CABIN1: variants seen among roughly 807,000 people sequenced by gnomAD.
CABIN1 encodes the protein calcineurin binding protein 1.
CABIN1 carries 133 observed loss-of-function variants against 227.7 expected under a neutral mutation model. The ratio of observed to expected loss-of-function variants is 0.58; its 90% CI spans 0.51 to 0.67. The LOEUF is 0.67. Among genes scored for constraint, CABIN1 ranks in the 30% least tolerant of loss-of-function variants. The pLI, the probability that CABIN1 is intolerant of heterozygous loss-of-function variation, is 0.00. For synonymous variants in CABIN1, 1,086 were observed against 1,155.1 expected (o/e 0.94, Z 1.21); for missense variants, 2,408 against 2,852.5 (o/e 0.84, Z 3.55).
intron 19 of CABIN1, among the ~76,000 whole-genome samples, chr22:24,080,329 G>A (rs945470995): frequency 3.3e-5 from 5 of 152,084 alleles, no homozygotes; most frequent in African/African-American, 1.2e-4. Context: ...ACCTACTCAC[G>A]TACCTCTTAG....
At chr22:24,065,564 C>T (rs1191230193) in intron 15 of CABIN1, among the ~76,000 whole-genome samples, 4 of 152,000 alleles carry the variant, frequency 2.6e-5, no homozygotes, top group South Asian at 2.1e-4. Flanking sequence ...CAGACGATGG[C>T]GGCCAGGCAG....
At chr22:24,118,667 T>C (rs1358096426) in intron 27 of CABIN1, among the ~76,000 whole-genome samples, 1 of 152,198 alleles carries the variant, frequency 6.6e-6, no homozygotes, top group Non-Finnish European at 1.5e-5. Flanking sequence ...CCGGGCCAGA[T>C]AGCTTTCTTC....
chr22:24,071,151 G>A (rs2040056253), intron 17 of CABIN1, 109 bp downstream of exon 17: 2 of 1,438,672 alleles, frequency 1.4e-6, no homozygotes, highest in African/African-American at 1.4e-5. Flanking sequence ...CACCCAAAGG[G>A]GACATGATGG....
At chr22:24,104,271 A>T (rs2042377405) in intron 26 of CABIN1, among the ~76,000 whole-genome samples, 1 of 152,144 alleles carries the variant, frequency 6.6e-6, no homozygotes, top group South Asian at 2.1e-4. Context: ...ACCTTACAGA[A>T]CTGCTTCGCT....
chr22:24,119,449 A>G lies in CABIN1; in HGVS notation c.4383A>G (p.Pro1461=). 2 of 1,614,126 alleles carry G rather than the reference A, an allele frequency of 1.2e-6. No individual in the cohort carries two copies. The highest frequency in any genetic ancestry group is 1.1e-5 in the South Asian group (1 of 91,092). Residue 1461 remains proline, a synonymous_variant, in exon 28 of 37, where the codon CCA becomes CCG. Transcript: ENST00000263119. ...QGVQKPAAET[P]ASACIPGKPS... ...TCCAGAAGCCTGCTGCAGAAACCCC[A>G]GCCTCTGCTTGCATCCCTGGCAAGC...
At chr22:24,106,548 C>G (rs1453474274) in intron 26 of CABIN1, among the ~76,000 whole-genome samples, 1 of 152,250 alleles carries the variant, frequency 6.6e-6, no homozygotes, top group Non-Finnish European at 1.5e-5. Context: ...ACATTGTCCT[C>G]CCTACCTTGA....
chr22:24,018,029 ATT>A (rs1235604955), intron 1 of CABIN1, among the ~76,000 whole-genome samples: 1 of 151,760 alleles, frequency 6.6e-6, no homozygotes, highest in Non-Finnish European at 1.5e-5. Flanking sequence ...TAATTTTTAA[ATT>A]TTTTGTAGAG....
chr22:24,021,225 G>T (rs2035703156), intron 1 of CABIN1, among the ~76,000 whole-genome samples: 1 of 151,550 alleles, frequency 6.6e-6, no homozygotes, highest in Non-Finnish European at 1.5e-5. Flanking sequence ...TCACTATCTT[G>T]CCCAGGGTGG....
chr22:24,172,671 T>C (rs1320175928), intron 34 of CABIN1, among the ~76,000 whole-genome samples: 1 of 152,190 alleles, frequency 6.6e-6, no homozygotes, highest in Non-Finnish European at 1.5e-5. Context: ...TCCATTGGAA[T>C]GGCAGCCTGC....
At chr22:24,114,610 G>A (rs1395665505) in intron 27 of CABIN1, among the ~76,000 whole-genome samples, 4 of 152,184 alleles carry the variant, frequency 2.6e-5, no homozygotes, top group African/African-American at 4.8e-5. Flanking sequence ...ATTACCCCAC[G>A]CTACCTCTCC....
intron 24 of CABIN1, among the ~76,000 whole-genome samples, chr22:24,094,846 GAAAC>G (rs1196384523): frequency 2.2e-5 from 3 of 133,882 alleles, no homozygotes; most frequent in Admixed American, 1.5e-4. Context: ...AAAAAAAAAA[GAAAC>G]AAAAATGACA....
intron 27 of CABIN1, among the ~76,000 whole-genome samples, chr22:24,116,606 G>A (rs892362498): frequency 1.3e-5 from 2 of 152,310 alleles, no homozygotes; most frequent in Middle Eastern, 3.4e-3. Flanking sequence ...TGAGTAAGAC[G>A]ATCTCAGAAG....
rs138827437 is a variant in CABIN1 at position 24,177,569 on chromosome 22, C to T, written c.6271C>T (p.Pro2091Ser). 81 of 1,598,558 alleles carry T rather than the reference C, an allele frequency of 5.1e-5. No individual in the cohort carries two copies. The African/African-American group carries it at 1.0e-3, about 20-fold the overall frequency. ...EAQEAASETQ[P>S]LSSPPTAASS... ...TCAGGAGGCTGCGAGTGAGACTCAG[C>T]CCCTGAGCTCTCCCCCAACAGCTGC... is the stretch of plus-strand genomic sequence containing the variant. Residue 2091 changes from proline (P) to serine (S), a missense_variant, in exon 36 of 37, where the codon CCC (proline) becomes TCC (serine). Coordinates refer to ENST00000263119, the MANE Select transcript of CABIN1 (RefSeq NM_012295.4). The surrounding 1 kb of genome is among the most constrained non-coding windows in gnomAD (Gnocchi z 4.4).
In CABIN1 at chr22:24,177,791, T is replaced by G. The variant is rs1377711030; in HGVS notation, c.6493T>G (p.Ser2165Ala). Reference sequence around the variant, plus strand: ...CCTGCTCTCCCCCAAAGGCAGCATCTCGGAGGAGACCAAGCAGAAGCTGAA... The same window carrying G: ...CCTGCTCTCCCCCAAAGGCAGCATCGCGGAGGAGACCAAGCAGAAGCTGAA... ...PTLLSPKGSI[S>A]EETKQKLKSA... Residue 2165 changes from serine (S) to alanine (A), a missense_variant, in exon 36 of 37, where the codon TCG becomes GCG. By Grantham distance (99) the Ser-to-Ala change is moderately conservative. Around this residue, in one of 3 missense-constraint regions of CABIN1, gnomAD observed 714 missense variants for 773.8 expected, o/e 0.92. Transcript: ENST00000263119. This position sits in a 1 kb window ranked among gnomAD's most constrained non-coding sequence, Gnocchi z 4.4. 2.5e-6 allele frequency: 4 copies of G among 1,607,888 alleles called. No individual in the cohort carries two copies. In the African/African-American group the frequency reaches 5.4e-5, roughly 22 times the overall value.
intron 29 of CABIN1, among the ~76,000 whole-genome samples, chr22:24,157,845 C>CT: frequency 6.6e-6 from 1 of 152,300 alleles, no homozygotes; most frequent in Non-Finnish European, 1.5e-5. Context: ...AGTTTTTATG[C>CT]TTTTCTGGGG....
At chr22:24,127,125 G>T (rs934734063) in intron 28 of CABIN1, among the ~76,000 whole-genome samples, 5 of 152,170 alleles carry the variant, frequency 3.3e-5, no homozygotes, top group Non-Finnish European at 5.9e-5. Context: ...AGTGAGTTGG[G>T]GGTGGCCTGT....
At chr22:24,084,354 G>A (rs771078903) in intron 20 of CABIN1, among the ~76,000 whole-genome samples, 3 of 151,250 alleles carry the variant, frequency 2.0e-5, no homozygotes, top group Non-Finnish European at 4.4e-5. Flanking sequence ...TTCTCCTGCC[G>A]CAACCTCCTG....
In CABIN1 at chr22:24,156,784, T is replaced by C. The variant is rs370633974; in HGVS notation, c.4747-7616T>C. Among the ~76,000 whole-genome samples, 100 of 151,910 alleles carry C rather than the reference T, an allele frequency of 6.6e-4. 1 individual carries two copies. In the South Asian group the frequency reaches 0.018, roughly 27 times the overall value. On this transcript the variant is annotated intron_variant, in intron 29 of 36. Transcript: ENST00000263119. Reference sequence around the variant, plus strand: ...TTGCATGGGATGGGGGGTGGGCACATAGAGCCTACAGCAGAGTTGGCGGCG... The same window carrying C: ...TTGCATGGGATGGGGGGTGGGCACACAGAGCCTACAGCAGAGTTGGCGGCG...
At chr22:24,056,160 G>C in intron 9 of CABIN1, 32 bp from the exon 10 acceptor site, 1 of 1,603,160 alleles carries the variant, frequency 6.2e-7, no homozygotes, top group Non-Finnish European at 8.5e-7. Context: ...CCCTGCCACC[G>C]TGTAAGATTT....
Sources: allele counts gnomAD v4.1 joint callset (sites outside exome capture counted in the v4.1 genomes callset), GRCh38; gene constraint gnomAD v4.1.1; regional missense constraint gnomAD v4.1.1; non-coding constraint Gnocchi (gnomAD v3.1); transcripts MANE v1.5; gene names NCBI Gene and HGNC (gene_info 2026-07-23, HGNC 2026-07-21).